Variants in ZNF665 observed in about 807,000 individuals in gnomAD.
The protein encoded by ZNF665 is zinc finger protein 665.
ZNF665 carries 6 observed loss-of-function variants against 7.9 expected under a neutral mutation model. The observed-to-expected ratio is 0.76, with a 90% confidence interval of 0.42 to 1.50. The LOEUF (loss-of-function observed/expected upper bound fraction) is 1.50. Ranked by LOEUF, ZNF665 falls within the 40% of genes most tolerant of loss-of-function variation. The pLI, the probability that ZNF665 is intolerant of heterozygous loss-of-function variation, is 0.01. For missense variants in ZNF665, 819 were observed against 806.7 expected, an observed-to-expected ratio of 1.02 and a Z score of -0.18; for synonymous variants, 242 against 274.5, an observed-to-expected ratio of 0.88 and a Z score of 1.17.
At chr19:53,171,520 ATATATT>A (rs1298795093) in intron 3 of ZNF665, among the ~76,000 whole-genome samples, 1 of 82,790 alleles carries the variant, frequency 1.2e-5, no homozygotes, top group Non-Finnish European at 2.4e-5. Flanking sequence ...ATATATATAT[ATATATT>A]TTTTTTTTTT....
chr19:53,193,091 G>A lies in ZNF665; in HGVS notation c.-46+221C>T, dbSNP rs902902331. On this transcript the variant is annotated intron_variant, in intron 1 of 3. Coordinates refer to ENST00000396424, the MANE Select transcript of ZNF665 (RefSeq NM_024733.5). ...CAGGAAACGGCGCAGGAAAGGAGGT[G>A]TCTGCATGGTCTGAAGGCCGAAAGA... 6.6e-5 allele frequency among the ~76,000 whole-genome samples: 10 copies of A among 152,254 alleles called. No homozygotes were observed. In the South Asian group the frequency reaches 8.3e-4, roughly 13 times the overall value.
Position 53,166,367 on chromosome 19 carries a change from A to G in ZNF665, c.143-20T>C. 6.6e-7 allele frequency: 1 copy of G among 1,521,984 alleles called. No individual in the cohort carries two copies. Among genetic ancestry groups the G allele is most frequent in the Non-Finnish European group, 8.8e-7 (1 of 1,137,590 alleles). 94.3% of individuals were successfully genotyped at this position (1,521,984 alleles called of 1,614,324 possible). ...AGATATCTGTAAGATATAAACAACC[A>G]TAGATTTCCAGTTAACTATAGTAGG... On this transcript the variant is annotated intron_variant, in intron 3 of 3. Coordinates refer to ENST00000396424, the MANE Select transcript of ZNF665 (RefSeq NM_024733.5).
chr19:53,163,768 T>C lies in ZNF665; in HGVS notation c.*685A>G, dbSNP rs995140479. The C allele has an allele frequency of 6.6e-6, 1 of 152,250 alleles. No individual in the cohort carries two copies. The highest frequency in any genetic ancestry group is 2.4e-5 in the African/African-American group (1 of 41,460). The allele number at this position is 152,250 out of a possible 1,614,324, so 9.4% of individuals were successfully genotyped here. A position where few individuals can be genotyped will look rare whatever the true frequency, so the allele number is the denominator to read the frequency against. ...GTAATGAGTTTTAACACATTTGGAC[T>C]TCTGATTATGCTGAAGTATATAATA... On this transcript the variant is annotated 3_prime_UTR_variant, in exon 4 of 4. Coordinates refer to ENST00000396424, the MANE Select transcript of ZNF665 (RefSeq NM_024733.5).
At chr19:53,170,760 T>C (rs538190139) in intron 3 of ZNF665, among the ~76,000 whole-genome samples, 77 of 152,320 alleles carry the variant, frequency 5.1e-4, no homozygotes, top group African/African-American at 1.7e-3. Flanking sequence ...GATATGCTGA[T>C]TTAAATCCTT....
chr19:53,166,580 A>C (rs2090617576), intron 3 of ZNF665, among the ~76,000 whole-genome samples: 1 of 152,194 alleles, frequency 6.6e-6, no homozygotes, highest in Non-Finnish European at 1.5e-5. Context: ...TCTGTGAACA[A>C]AACACTCATA....
In ZNF665 at chr19:53,183,518, C is replaced by T. The variant is rs376624676; in HGVS notation, c.-45-575G>A. On this transcript the variant is annotated intron_variant, in intron 1 of 3. Transcript: ENST00000396424. ...TGAGAGGGGCCGAGCCCAGCACAGC[C>T]CCCCCACCTTCTGGCTGTACTTTCC... Among the ~76,000 whole-genome samples the T allele has an allele frequency of 2.6e-4, 39 of 152,102 alleles. No individual in the cohort carries two copies. In the South Asian group the frequency reaches 3.3e-3, roughly 13 times the overall value.
intron 1 of ZNF665, among the ~76,000 whole-genome samples, chr19:53,191,452 C>G (rs945808192): frequency 2.6e-5 from 4 of 152,144 alleles, no homozygotes; most frequent in Non-Finnish European, 5.9e-5. Context: ...ACCTCTGATG[C>G]CAGGAATTAT....
intron 2 of ZNF665, chr19:53,180,762 A>C (rs934922553): frequency 6.6e-6 from 1 of 152,192 alleles, no homozygotes; most frequent in African/African-American, 2.4e-5. Flanking sequence ...TAAGCTGTAA[A>C]AACGCTAAAA....
intron 2 of ZNF665, among the ~76,000 whole-genome samples, chr19:53,177,274 A>G (rs1246670636): frequency 6.6e-6 from 1 of 152,066 alleles, no homozygotes; most frequent in African/African-American, 2.4e-5. Context: ...ATTAGTGTGG[A>G]TTTGTTTTGT....
intron 3 of ZNF665, among the ~76,000 whole-genome samples, chr19:53,169,682 C>A (rs982929413): frequency 1.3e-5 from 2 of 151,388 alleles, no homozygotes; most frequent in African/African-American, 2.4e-5. Flanking sequence ...ATCCCTCCCC[C>A]TTCCCCCCAC....
At chr19:53,174,833 G>A (rs2090684034) in intron 3 of ZNF665, among the ~76,000 whole-genome samples, 1 of 151,930 alleles carries the variant, frequency 6.6e-6, no homozygotes, top group South Asian at 2.1e-4. Flanking sequence ...CAGCTACTCG[G>A]GAGGCTGAGG....
At chr19:53,171,532 T>A (rs1332131129) in intron 3 of ZNF665, among the ~76,000 whole-genome samples, 8 of 83,260 alleles carry the variant, frequency 9.6e-5, no homozygotes, top group Non-Finnish European at 1.6e-4. Flanking sequence ...ATATTTTTTT[T>A]TTTTTTTTCT....
chr19:53,182,682 G>T (rs895137375), intron 2 of ZNF665: 1 of 1,056,624 alleles, frequency 9.5e-7, no homozygotes, highest in Non-Finnish European at 1.4e-6. Context: ...TCCATGCCCC[G>T]TGCAGCCTCT....
Position 53,162,557 on chromosome 19 carries a change from C to T in ZNF665, c.*1896G>A, listed in dbSNP as rs954407210. ...TGGGATTCTGGTTACTTTGATTAAA[C>T]TTCTTATGCTCGGCCGGCCGGGCAC... On this transcript the variant is annotated 3_prime_UTR_variant, in exon 4 of 4. Coordinates refer to ENST00000396424, the MANE Select transcript of ZNF665 (RefSeq NM_024733.5). 6.6e-6 allele frequency: 1 copy of T among 152,028 alleles called. No individual in the cohort carries two copies. Among genetic ancestry groups the T allele is most frequent in the East Asian group, 1.9e-4 (1 of 5,162 alleles). 9.4% of individuals were successfully genotyped at this position (152,028 alleles called of 1,614,324 possible).
rs140482885 is a variant in ZNF665 at position 53,171,504 on chromosome 19, G to GTGTGTGTGTATATATATATA, written c.142+3940_142+3941insTATATATATATACACACACA. Among the ~76,000 whole-genome samples, 65 of 57,752 alleles carry GTGTGTGTGTATATATATATA rather than the reference G, an allele frequency of 1.1e-3. 1 individual carries two copies. Among genetic ancestry groups the GTGTGTGTGTATATATATATA allele is most frequent in the Non-Finnish European group, 1.8e-3 (55 of 30,206 alleles). The allele number at this position is 57,752 out of a possible 152,430, so 37.9% of individuals were successfully genotyped here. A position where few individuals can be genotyped will look rare whatever the true frequency, so the allele number is the denominator to read the frequency against. On this transcript the variant is annotated intron_variant, in intron 3 of 3. Coordinates refer to ENST00000396424, the MANE Select transcript of ZNF665 (RefSeq NM_024733.5). ...TCTTTACATTTGTGTGTGTGTGTGTGTATATATATATATATATATATTTTT... is the reference window on the plus strand; with the variant it reads ...TCTTTACATTTGTGTGTGTGTGTGTGTGTGTGTGTATATATATATATATATATATATATATATATATTTTT...
chr19:53,167,509 C>T (rs78618048), intron 3 of ZNF665, among the ~76,000 whole-genome samples: 80,905 of 148,694 alleles, frequency 0.54, 25,074 homozygotes, highest in South Asian at 0.73. Flanking sequence ...GGCAGTGGCG[C>T]GATCTCGGCT....
intron 1 of ZNF665, among the ~76,000 whole-genome samples, chr19:53,189,233 A>G (rs900741804): frequency 3.9e-5 from 6 of 151,996 alleles, no homozygotes; most frequent in Non-Finnish European, 7.4e-5. Flanking sequence ...CCACAGGGTC[A>G]GTGGGTCTCT....
chr19:53,166,400 C>A (rs12460233), intron 3 of ZNF665, 53 bp from the exon 4 acceptor site: 28 of 1,435,024 alleles, frequency 2.0e-5, no homozygotes, highest in Non-Finnish European at 2.5e-5. Flanking sequence ...AGGTAAATAA[C>A]TATTTCCCAT....
Position 53,162,959 on chromosome 19 carries a change from A to G in ZNF665, c.*1494T>C, listed in dbSNP as rs918148302. On this transcript the variant is annotated 3_prime_UTR_variant, in exon 4 of 4. Transcript: ENST00000396424. ...TATTTGTACCACACATCAGTCCCTA[A>G]TAAGCTATTACTCTCCTCTAATAAA... 6 of 152,148 alleles carry G rather than the reference A, an allele frequency of 3.9e-5. No homozygotes were observed. Among genetic ancestry groups the G allele is most frequent in the African/African-American group, 1.4e-4 (6 of 41,432 alleles). The allele number at this position is 152,148 out of a possible 1,614,324, so 9.4% of individuals were successfully genotyped here. A position where few individuals can be genotyped will look rare whatever the true frequency, so the allele number is the denominator to read the frequency against.
Sources: allele counts gnomAD v4.1 joint callset (sites outside exome capture counted in the v4.1 genomes callset), GRCh38; gene constraint gnomAD v4.1.1; transcripts MANE v1.5; gene names NCBI Gene and HGNC (gene_info 2026-07-23, HGNC 2026-07-21).